The following DZIP1L variants were observed in gnomAD, a reference collection of about 807,000 sequenced individuals.
DZIP1L encodes cilium assembly protein DZIP1L.
In DZIP1L, 90 loss-of-function variants were observed where a neutral mutation model predicts 88.7. That is an observed-to-expected ratio of 1.02 (90% CI 0.86 to 1.21). The LOEUF is 1.21. Ranked by LOEUF, DZIP1L falls within the 50% of genes most tolerant of loss-of-function variation. The pLI is 0.00. For missense variants in DZIP1L, 932 were observed against 955.8 expected (o/e 0.98, Z 0.33); for synonymous variants, 363 against 372.1 (o/e 0.98, Z 0.28).
At chr3:138,095,586 C>G (rs1314342014) in intron 3 of DZIP1L, among the ~76,000 whole-genome samples, 1 of 152,104 alleles carries the variant, frequency 6.6e-6, no homozygotes, top group Non-Finnish European at 1.5e-5. Flanking sequence ...CGAGACCAAC[C>G]TGACCAACAT....
Position 138,062,897 on chromosome 3 carries a change from C to T in DZIP1L, c.2223G>A (p.Lys741=), listed in dbSNP as rs1370740348. ...PLDLDQREKP[K]PLSRSKLPEK... is the part of the protein sequence containing the mutation. ...CTGGGAGCTTTGAGCGAGACAAGGGCTTGGGTTTCTCTCTCTGGTCCAGGT... is the reference window on the plus strand; with the variant it reads ...CTGGGAGCTTTGAGCGAGACAAGGGTTTGGGTTTCTCTCTCTGGTCCAGGT... Residue 741 remains lysine (K), a synonymous_variant, in exon 16 of 16, where the codon AAG becomes AAA. Coordinates refer to ENST00000327532, the MANE Select transcript of DZIP1L (RefSeq NM_173543.3). The T allele has an allele frequency of 6.2e-7, 1 of 1,614,202 alleles. No individual in the cohort carries two copies.
chr3:138,085,964 G>A (rs1224164537), intron 7 of DZIP1L, among the ~76,000 whole-genome samples: 8 of 152,206 alleles, frequency 5.3e-5, no homozygotes, highest in Admixed American at 3.3e-4. Context: ...GTAGGGACAT[G>A]GATGAAATTG....
chr3:138,104,797 C>T (rs1425656467), intron 1 of DZIP1L, among the ~76,000 whole-genome samples: 1 of 152,160 alleles, frequency 6.6e-6, no homozygotes, highest in African/African-American at 2.4e-5. Context: ...TCTCTAGTTT[C>T]TTTGCCAAGA....
rs190211122 is a variant in DZIP1L, at chr3:138,065,908, A to C, written c.2003-1141T>G. On this transcript the variant is annotated intron_variant, in intron 14 of 15. Transcript: ENST00000327532. ...GTAGACAGTTGTTTTGAAAAGAAGG[A>C]GGCTCAACTAGTCATTGCAACCTGT... is the stretch of plus-strand genomic sequence containing the variant. Among the ~76,000 whole-genome samples, 479 of 152,368 alleles carry C rather than the reference A, an allele frequency of 3.1e-3. 2 individuals are homozygous for C. The highest frequency in any genetic ancestry group is 8.5e-3 in the South Asian group (41 of 4,832).
At chr3:138,075,444 A>G (rs538117427) in intron 11 of DZIP1L, among the ~76,000 whole-genome samples, 6 of 152,238 alleles carry the variant, frequency 3.9e-5, no homozygotes, top group Non-Finnish European at 8.8e-5. Context: ...AATCGAAATT[A>G]TATCAAGCAC....
intron 1 of DZIP1L, among the ~76,000 whole-genome samples, chr3:138,112,804 G>T (rs1205417238): frequency 2.0e-5 from 3 of 152,080 alleles, no homozygotes; most frequent in Non-Finnish European, 4.4e-5. Flanking sequence ...AAAATTAGCT[G>T]GGCGTGGTGG....
intron 1 of DZIP1L, among the ~76,000 whole-genome samples, 185 bp from the exon 2 acceptor site, chr3:138,104,237 G>A (rs2042413666): frequency 6.6e-6 from 1 of 152,260 alleles, no homozygotes; most frequent in Non-Finnish European, 1.5e-5. Context: ...TCACACAGAT[G>A]TGGATTCGAA....
At chr3:138,075,205 T>G (rs535632310) in intron 11 of DZIP1L, among the ~76,000 whole-genome samples, 2 of 151,988 alleles carry the variant, frequency 1.3e-5, no homozygotes, top group Non-Finnish European at 2.9e-5. Context: ...ACAATAATAG[T>G]GGGGGATTTC....
At chr3:138,096,172 A>C (rs1944457651) in intron 3 of DZIP1L, among the ~76,000 whole-genome samples, 1 of 152,188 alleles carries the variant, frequency 6.6e-6, no homozygotes, top group African/African-American at 2.4e-5. Flanking sequence ...GGAATAGGAG[A>C]GCTGGGCATC....
intron 5 of DZIP1L, 78 bp from the exon 6 acceptor site, chr3:138,088,585 G>A (rs1241733689): frequency 6.6e-7 from 1 of 1,513,204 alleles, no homozygotes; most frequent in Non-Finnish European, 8.9e-7. Context: ...AACAGTGTCA[G>A]AGGGGCACGC....
chr3:138,065,047 T>G (rs1365486042), intron 14 of DZIP1L, among the ~76,000 whole-genome samples: 1 of 152,270 alleles, frequency 6.6e-6, no homozygotes, highest in Non-Finnish European at 1.5e-5. Context: ...AATGAGAGGC[T>G]GAGGCAGGAC....
intron 12 of DZIP1L, among the ~76,000 whole-genome samples, chr3:138,070,404 C>T (rs577392377): frequency 7.2e-4 from 110 of 152,260 alleles, no homozygotes; most frequent in Non-Finnish European, 6.8e-4. Context: ...AGATAAAAAC[C>T]GTCCTTTCCT....
intron 1 of DZIP1L, among the ~76,000 whole-genome samples, chr3:138,105,518 C>T (rs1218280615): frequency 6.6e-6 from 1 of 152,072 alleles, no homozygotes; most frequent in East Asian, 1.9e-4. Flanking sequence ...CTCGCACACA[C>T]TCTAAATCAT....
Position 138,088,391 on chromosome 3 carries a change from CTT to C in DZIP1L, c.985_986del (p.Lys329AspfsTer17). 6.2e-7 allele frequency: 1 copy of C among 1,611,960 alleles called. No homozygotes were observed. The stretch of plus-strand genomic sequence containing the variant: ...AGCATCAGCTCACCTGAATTTCTGT[CTT>C]CTCTCTCAGGGCCTGAAGCTCCCGT... ...QARELQALRE[K>X]TEIQKTEWKR... On this transcript the variant is annotated frameshift_variant, in exon 6 of 16. Transcript: ENST00000327532. LOFTEE classifies it high-confidence loss of function.
rs374145992 is a variant in DZIP1L, at chr3:138,068,318, G to A, written c.1665C>T (p.Thr555=). ...ATGGCAAGGCCACCTGCAGGGTCCT[G>A]GTCTTTGGCTGGGCCTCTCTGGTGA... The part of the protein sequence containing the change: ...TLVTREAQPK[T]RTLQVALPST... Residue 555 remains threonine (T), a synonymous_variant, in exon 13 of 16, where the codon ACC becomes ACT. Transcript: ENST00000327532. 36 of 1,590,980 alleles carry A rather than the reference G, an allele frequency of 2.3e-5. No homozygotes were observed. The highest frequency in any genetic ancestry group is 2.9e-5 in the Non-Finnish European group (34 of 1,167,466).
Position 138,063,027 on chromosome 3 carries a change from G to A in DZIP1L, c.2143-50C>T. The A allele has an allele frequency of 6.3e-7, 1 of 1,596,894 alleles. No homozygotes were observed. Among genetic ancestry groups the A allele is most frequent in the Non-Finnish European group, 8.5e-7 (1 of 1,172,156 alleles). On this transcript the variant is annotated intron_variant, in intron 15 of 15. Transcript: ENST00000327532. This position sits in a 1 kb window ranked among gnomAD's most constrained non-coding sequence, Gnocchi z 4.1. ...AAATGCATTTTGATAAGGGAGGAGGGTGGCTGAGAGCTAAGCACATTGCAG... is the reference window on the plus strand; with the variant it reads ...AAATGCATTTTGATAAGGGAGGAGGATGGCTGAGAGCTAAGCACATTGCAG...
intron 13 of DZIP1L, among the ~76,000 whole-genome samples, chr3:138,067,921 G>C (rs1051434205): frequency 6.6e-5 from 10 of 152,198 alleles, no homozygotes; most frequent in Non-Finnish European, 1.3e-4. Flanking sequence ...CCTCTGGAGG[G>C]GGAACGGGTT....
At chr3:138,082,809 C>A (rs1386661798) in intron 8 of DZIP1L, among the ~76,000 whole-genome samples, 1 of 152,182 alleles carries the variant, frequency 6.6e-6, no homozygotes, top group Non-Finnish European at 1.5e-5. Context: ...TGTGACACAG[C>A]TTTGACCAAT....
chr3:138,064,902 C>A, intron 14 of DZIP1L, 135 bp from the exon 15 acceptor site: 1 of 1,326,700 alleles, frequency 7.5e-7, no homozygotes, highest in Non-Finnish European at 1.0e-6. Flanking sequence ...GGCTGAGCAA[C>A]CACAAAAAAG....
Sources: gnomAD v4.1 joint callset for allele counts (sites outside exome capture counted in the v4.1 genomes callset) on GRCh38, gnomAD v4.1.1 for gene constraint, Gnocchi (gnomAD v3.1) non-coding constraint, MANE v1.5 for transcripts, NCBI Gene and HGNC (gene_info 2026-07-23, HGNC 2026-07-21) for gene names.